PLEKHO1: variants seen among roughly 807,000 people sequenced by gnomAD.
The protein encoded by PLEKHO1 is pleckstrin homology domain-containing family O member 1.
Under a neutral mutation model 41.4 loss-of-function variants are expected in PLEKHO1, and 22 were observed. That is an observed-to-expected ratio of 0.53 (90% confidence interval 0.38 to 0.76). The LOEUF (loss-of-function observed/expected upper bound fraction) is 0.76, where lower values mean the gene tolerates loss of function less well. PLEKHO1 is among the 30% of genes least tolerant of loss of function. The pLI, the probability that PLEKHO1 is intolerant of heterozygous loss-of-function variation, is 0.00. For synonymous variants in PLEKHO1, 225 were observed against 210.8 expected (o/e 1.07, Z -0.58); for missense variants, 488 against 518.3 (o/e 0.94, Z 0.57).
rs1171225416 is a variant in PLEKHO1 at position 150,159,068 on chromosome 1, A to G, written c.775A>G (p.Lys259Glu). The G allele has an allele frequency of 1.5e-5, 25 of 1,613,946 alleles. 1 individual carries two copies. The highest frequency in any genetic ancestry group is 2.1e-5 in the Non-Finnish European group (25 of 1,179,978). The change falls in exon 6 of 6, where the codon AAG becomes GAG. Residue 259 changes from lysine to glutamate, a missense_variant. Lys to Glu is a moderately conservative substitution (Grantham distance 56). Coordinates refer to ENST00000369124, the MANE Select transcript of PLEKHO1 (RefSeq NM_016274.6). ...GGCCACCTACACCCCCCAGGCACCC[A>G]AGAAGTTGACGCCCACAGAGAAAGG... ...KGATYTPQAP[K>E]KLTPTEKGRC...
intron 1 of PLEKHO1, chr1:150,150,536 G>T (rs1659856249): frequency 6.0e-6 from 1 of 165,684 alleles, no homozygotes; most frequent in Non-Finnish European, 1.3e-5. Context: ...CGCCGGGCGA[G>T]CGTTTGCCTC....
Position 150,151,003 on chromosome 1 carries a change from G to A in PLEKHO1, c.122G>A (p.Trp41Ter). ...FCGKGIFREI[W>*]KNRYVVLKGD... The stretch of plus-strand genomic sequence containing the variant: ...GGGAAAGGGATTTTCAGGGAGATTT[G>A]GAAAAACCGCTATGTGGTGCTGAAA... The change falls in exon 2 of 6, where the codon TGG (tryptophan) becomes TAG (stop). Residue 41 changes from tryptophan to a stop codon, truncating the protein, a stop_gained. Transcript: ENST00000369124. LOFTEE classifies it high-confidence loss of function. 1 of 1,614,150 alleles carries A rather than the reference G, an allele frequency of 6.2e-7. No homozygotes were observed. Among genetic ancestry groups the A allele is most frequent in the Non-Finnish European group, 8.5e-7 (1 of 1,180,006 alleles).
In PLEKHO1 at chr1:150,158,832, C is replaced by T. The variant is rs1553821064; in HGVS notation, c.539C>T (p.Thr180Ile). 1.9e-6 allele frequency: 3 copies of T among 1,604,916 alleles called. No homozygotes were observed. Among genetic ancestry groups the T allele is most frequent in the Non-Finnish European group, 2.6e-6 (3 of 1,172,654 alleles). Residue 180 changes from threonine (T) to isoleucine (I), a missense_variant, in exon 6 of 6, where the codon ACC (threonine) becomes ATC (isoleucine). Thr to Ile is a moderately conservative substitution (Grantham distance 89). Transcript: ENST00000369124. ...CTTCCTCCACAGGCTTCCACCTCTA[C>T]CTCGGATGGGATGCTGACCTTGGAC... is the stretch of plus-strand genomic sequence containing the variant. ...GHLMAVASTS[T>I]SDGMLTLDLI...
chr1:150,157,289 C>T, intron 4 of PLEKHO1, 96 bp from the exon 5 acceptor site: 1 of 913,644 alleles, frequency 1.1e-6, no homozygotes, highest in East Asian at 2.5e-5. Flanking sequence ...CATTCAGAAG[C>T]AGTGAATGGA....
chr1:150,150,722 G>A (rs1274154913), intron 1 of PLEKHO1, 190 bp from the exon 2 acceptor site: 4 of 568,964 alleles, frequency 7.0e-6, no homozygotes, highest in Non-Finnish European at 1.2e-5. Flanking sequence ...GGGAGCGGGG[G>A]AGGGGAGCGG....
In PLEKHO1 at chr1:150,151,083, T is replaced by C. The variant is rs1659907231; in HGVS notation, c.177+25T>C. The C allele has an allele frequency of 1.9e-6, 3 of 1,612,696 alleles. No homozygotes were observed. In the East Asian group the frequency reaches 6.7e-5, roughly 36 times the overall value. ...GGTGGGTGCCTCTTGCCTCTAACTC[T>C]CCGTTTTCTCATAGCCCCCACTTTG... is the stretch of plus-strand genomic sequence containing the variant. On this transcript the variant is annotated intron_variant, in intron 2 of 5. Coordinates refer to ENST00000369124, the MANE Select transcript of PLEKHO1 (RefSeq NM_016274.6).
intron 1 of PLEKHO1, 113 bp downstream of exon 1, chr1:150,150,400 C>G: frequency 5.2e-6 from 2 of 383,344 alleles, no homozygotes; most frequent in African/African-American, 2.3e-5. Context: ...GCCCCCGCCC[C>G]GGCGGCCCGG....
At chr1:150,155,998 A>G in intron 2 of PLEKHO1, 68 bp from the exon 3 acceptor site, 9 of 1,439,428 alleles carry the variant, frequency 6.3e-6, no homozygotes, top group Non-Finnish European at 8.7e-6. Flanking sequence ...AAGATGATCT[A>G]AACTAACAGT....
chr1:150,157,047 A>G (rs782326259), intron 4 of PLEKHO1, 32 bp downstream of exon 4: 82 of 1,365,134 alleles, frequency 6.0e-5, no homozygotes, highest in South Asian at 1.4e-4. Flanking sequence ...AGAGGGAGGA[A>G]CGCTGGGGCA....
chr1:150,159,763 G>A lies in PLEKHO1; in HGVS notation c.*240G>A, dbSNP rs587736270. 9 of 417,264 alleles carry A rather than the reference G, an allele frequency of 2.2e-5. No individual in the cohort carries two copies. The South Asian group carries it at 4.1e-4, about 19-fold the overall frequency. 25.8% of individuals were successfully genotyped at this position (417,264 alleles called of 1,614,324 possible). On this transcript the variant is annotated 3_prime_UTR_variant, in exon 6 of 6. Transcript: ENST00000369124. ...GTAGCAGGAAGTTTTTACCCAGCCA[G>A]AGAGAGAGAAGGCACGGTAAAGACA...
At chr1:150,152,077 T>C (rs1338184494) in intron 2 of PLEKHO1, among the ~76,000 whole-genome samples, 1 of 152,232 alleles carries the variant, frequency 6.6e-6, no homozygotes, top group Non-Finnish European at 1.5e-5. Context: ...TAACCTCTTC[T>C]GCTTTCTGCA....
chr1:150,153,900 G>T (rs797043104), intron 2 of PLEKHO1: 24 of 152,144 alleles, frequency 1.6e-4, no homozygotes, highest in African/African-American at 5.6e-4. Flanking sequence ...TGAGACTCTG[G>T]GAATTAGATA....
chr1:150,150,861 G>T lies in PLEKHO1; in HGVS notation c.31-51G>T, dbSNP rs587712105. On this transcript the variant is annotated intron_variant, in intron 1 of 5. Coordinates refer to ENST00000369124, the MANE Select transcript of PLEKHO1 (RefSeq NM_016274.6). ...GTCGTGAGAGACGGACGGAGAGGAA[G>T]CGCCGGCTGGAATCTCCTAACCGCC... 1.1e-5 allele frequency: 18 copies of T among 1,569,038 alleles called. 1 individual carries two copies. The East Asian group carries it at 3.8e-4, about 33-fold the overall frequency.
At chr1:150,153,685 C>T (rs1553819699) in intron 2 of PLEKHO1, 5 of 152,178 alleles carry the variant, frequency 3.3e-5, no homozygotes, top group Non-Finnish European at 5.9e-5. Flanking sequence ...TCTCAAAGGG[C>T]ATCCTCTCTC....
At chr1:150,151,116 C>G in intron 2 of PLEKHO1, 58 bp downstream of exon 2, 2 of 1,594,344 alleles carry the variant, frequency 1.3e-6, no homozygotes, top group Non-Finnish European at 1.7e-6. Context: ...TTGTCACTCC[C>G]CAAGGGCTCG....
At chr1:150,157,120 C>T (rs1439427774) in intron 4 of PLEKHO1, 105 bp downstream of exon 4, 2 of 774,614 alleles carry the variant, frequency 2.6e-6, no homozygotes, top group African/African-American at 3.4e-5. Context: ...CTCGCTCCTC[C>T]ACCAGCTCTA....
rs1443279250 is a variant in PLEKHO1, at chr1:150,150,203, G to T, written c.-55G>T. Reference sequence around the variant, plus strand: ...AAGGAGCCCCCGCGGTGCCGCCGAGGCCCCGACGCGGGGCCGCCCCTCGGC... The same window carrying T: ...AAGGAGCCCCCGCGGTGCCGCCGAGTCCCCGACGCGGGGCCGCCCCTCGGC... On this transcript the variant is annotated 5_prime_UTR_variant, in exon 1 of 6. Transcript: ENST00000369124. 4.3e-6 allele frequency: 4 copies of T among 938,756 alleles called. No individual in the cohort carries two copies. The African/African-American group carries it at 7.1e-5, about 17-fold the overall frequency. The allele number at this position is 938,756 out of a possible 1,614,324, so 58.2% of individuals were successfully genotyped here.
intron 5 of PLEKHO1, among the ~76,000 whole-genome samples, chr1:150,158,089 T>C (rs781908307): frequency 2.0e-5 from 3 of 152,200 alleles, no homozygotes; most frequent in Non-Finnish European, 2.9e-5. Flanking sequence ...TGAATACTCA[T>C]CATTTTTAGT....
chr1:150,159,180 C>T lies in PLEKHO1; in HGVS notation c.887C>T (p.Thr296Ile), dbSNP rs940517272. Residue 296 changes from threonine (T) to isoleucine (I), a missense_variant, in exon 6 of 6, where the codon ACC becomes ATC. This residue lies in a region of PLEKHO1 where 337 missense variants were observed against 324.6 expected (regional missense o/e 1.04). Coordinates refer to ENST00000369124, the MANE Select transcript of PLEKHO1 (RefSeq NM_016274.6). ...TLQLRAEEPP[T>I]PALPNPGQLS... ...CAGCTGCGGGCTGAGGAACCCCCAA[C>T]CCCTGCCCTCCCCAACCCGGGGCAG... The T allele has an allele frequency of 2.5e-6, 4 of 1,613,266 alleles. No homozygotes were observed. Among genetic ancestry groups the T allele is most frequent in the Middle Eastern group, 1.7e-4 (1 of 6,052 alleles).
Sources: allele counts gnomAD v4.1 joint callset (sites outside exome capture counted in the v4.1 genomes callset), GRCh38; gene constraint gnomAD v4.1.1; regional missense constraint gnomAD v4.1.1; transcripts MANE v1.5; gene names NCBI Gene and HGNC (gene_info 2026-07-23, HGNC 2026-07-21).